Variants in GTF2B observed in about 807,000 individuals in gnomAD.
GTF2B encodes transcription initiation factor IIB.
In GTF2B, 20 loss-of-function variants were observed where a neutral mutation model predicts 34.6. That is an observed-to-expected ratio of 0.58 (90% CI 0.41 to 0.84). The LOEUF (loss-of-function observed/expected upper bound fraction) is 0.84. Among genes scored for constraint, GTF2B ranks in the 40% least tolerant of loss-of-function variants. The pLI, the probability that GTF2B is intolerant of heterozygous loss-of-function variation, is 0.00. For synonymous variants in GTF2B, 142 were observed against 132.4 expected (o/e 1.07, Z -0.50); for missense variants, 237 against 393.3 (o/e 0.60, Z 3.36).
chr1:88,864,954 C>T (rs1012556221), intron 2 of GTF2B, among the ~76,000 whole-genome samples: 20 of 151,464 alleles, frequency 1.3e-4, no homozygotes, highest in Admixed American at 7.9e-4. Flanking sequence ...AGAACTGAAA[C>T]GCACATCAGA....
chr1:88,880,890 C>T (rs1194476094), intron 2 of GTF2B, among the ~76,000 whole-genome samples: 1 of 151,660 alleles, frequency 6.6e-6, no homozygotes, highest in Non-Finnish European at 1.5e-5. Context: ...ATACTTTTAA[C>T]CCCAGCTACT....
chr1:88,864,888 T>C (rs1280122797), intron 2 of GTF2B, among the ~76,000 whole-genome samples: 2 of 152,240 alleles, frequency 1.3e-5, no homozygotes, highest in African/African-American at 4.8e-5. Context: ...TAAAGGTAGG[T>C]ACCAATTTTA....
chr1:88,859,013 G>A lies in GTF2B; in HGVS notation c.535+869C>T, dbSNP rs187742585. Among the ~76,000 whole-genome samples, 539 of 151,934 alleles carry A rather than the reference G, an allele frequency of 3.5e-3. 1 individual carries two copies. The highest frequency in any genetic ancestry group is 5.6e-3 in the Non-Finnish European group (381 of 67,950). ...CTCCTGAGTAGCTGGGACTACAGGC[G>A]CGCACCACCACGCCTGGCTAATTTT... On this transcript the variant is annotated intron_variant, in intron 5 of 6. Transcript: ENST00000370500.
At chr1:88,882,676 ATGT>A (rs1673977125) in intron 2 of GTF2B, among the ~76,000 whole-genome samples, 1 of 152,238 alleles carries the variant, frequency 6.6e-6, no homozygotes, top group Admixed American at 6.5e-5. Context: ...TGTGTCAATG[ATGT>A]TGTGTTAACA....
intron 2 of GTF2B, among the ~76,000 whole-genome samples, chr1:88,879,785 G>C (rs1434079480): frequency 6.6e-6 from 1 of 152,046 alleles, no homozygotes; most frequent in Non-Finnish European, 1.5e-5. Context: ...GCTGGGCGCA[G>C]TGCCTCACAC....
At chr1:88,873,179 T>C (rs1471341411) in intron 2 of GTF2B, among the ~76,000 whole-genome samples, 1 of 147,586 alleles carries the variant, frequency 6.8e-6, no homozygotes, top group Non-Finnish European at 1.5e-5. Context: ...AGGATTCCAT[T>C]AAGTTTTTTT....
intron 2 of GTF2B, among the ~76,000 whole-genome samples, chr1:88,880,746 C>G (rs1426417245): frequency 6.6e-6 from 1 of 152,104 alleles, no homozygotes; most frequent in Non-Finnish European, 1.5e-5. Flanking sequence ...GTGGCTCACA[C>G]CTGTAATCCC....
At chr1:88,884,273 G>A (rs557396077) in intron 2 of GTF2B, among the ~76,000 whole-genome samples, 1 of 152,152 alleles carries the variant, frequency 6.6e-6, no homozygotes, top group South Asian at 2.1e-4. Flanking sequence ...TGATCCATCC[G>A]CCTCAGCCTC....
At chr1:88,865,740 A>G (rs1673533607) in intron 2 of GTF2B, among the ~76,000 whole-genome samples, 1 of 151,852 alleles carries the variant, frequency 6.6e-6, no homozygotes, top group African/African-American at 2.4e-5. Flanking sequence ...AATCCCAGCT[A>G]CTCAGGAGGC....
chr1:88,879,900 AC>A (rs1557660101), intron 2 of GTF2B, among the ~76,000 whole-genome samples: 1 of 151,964 alleles, frequency 6.6e-6, no homozygotes, highest in Admixed American at 6.6e-5. Context: ...TACTAAAAAT[AC>A]AAAAAAATTA....
intron 6 of GTF2B, among the ~76,000 whole-genome samples, chr1:88,856,281 A>AC (rs1456026146): frequency 1.7e-4 from 21 of 120,490 alleles, no homozygotes; most frequent in Middle Eastern, 3.9e-3. Flanking sequence ...ACAAAAAAAA[A>AC]AAAAAAAAAC....
In GTF2B at chr1:88,864,116, T is replaced by A. The variant is rs1487866075; in HGVS notation, c.125-2A>T. On this transcript the variant is annotated splice_acceptor_variant, in intron 2 of 6. Transcript: ENST00000370500. LOFTEE classifies it high-confidence loss of function. ...ATCCCACATCAATAACCCGGTCACC[T>A]AAGAATATAAGCACATATCTGAATC... 1.2e-6 allele frequency: 2 copies of A among 1,613,554 alleles called. No individual in the cohort carries two copies. The highest frequency in any genetic ancestry group is 1.7e-6 in the Non-Finnish European group (2 of 1,179,562).
chr1:88,864,106 C>T lies in GTF2B; in HGVS notation c.133G>A (p.Val45Ile). 6.2e-7 allele frequency: 1 copy of T among 1,613,982 alleles called. No individual in the cohort carries two copies. The highest frequency in any genetic ancestry group is 8.5e-7 in the Non-Finnish European group (1 of 1,179,864). ...PECGLVVGDR[V>I]IDVGSEWRTF... ...CGCCATTCAGATCCCACATCAATAA[C>T]CCGGTCACCTAAGAATATAAGCACA... The change falls in exon 3 of 7, where the codon GTT becomes ATT. Residue 45 changes from valine to isoleucine, a missense_variant. Around this residue, in one of 3 missense-constraint regions of GTF2B, gnomAD observed 130 missense variants for 170.9 expected, o/e 0.76. Coordinates refer to ENST00000370500, the MANE Select transcript of GTF2B (RefSeq NM_001514.6).
At chr1:88,861,085 G>A (rs549567342) in intron 3 of GTF2B, among the ~76,000 whole-genome samples, 2 of 152,278 alleles carry the variant, frequency 1.3e-5, no homozygotes, top group East Asian at 1.9e-4. Context: ...GCAAGGTCAA[G>A]ATAAATAGAA....
chr1:88,853,280 C>G lies in GTF2B; in HGVS notation c.884G>C (p.Arg295Pro). ...IRQSYRLIYP[R>P]APDLFPTDFK... ...GTCTGTAGGAAACAGATCTGGGGCT[C>G]GAGGATAGATCAGTCTATAGGACTG... Residue 295 changes from arginine (R) to proline (P), a missense_variant, in exon 7 of 7, where the codon CGA (arginine) becomes CCA (proline). By Grantham distance (103) the Arg-to-Pro change is moderately radical (BLOSUM62 -2). Around this residue, in one of 3 missense-constraint regions of GTF2B, gnomAD observed 78 missense variants for 116.6 expected, o/e 0.67. Transcript: ENST00000370500. The G allele has an allele frequency of 6.2e-7, 1 of 1,610,818 alleles. No individual in the cohort carries two copies. The highest frequency in any genetic ancestry group is 8.5e-7 in the Non-Finnish European group (1 of 1,177,062).
intron 3 of GTF2B, among the ~76,000 whole-genome samples, chr1:88,861,833 A>G (rs942152896): frequency 2.6e-5 from 4 of 152,224 alleles, no homozygotes; most frequent in Middle Eastern, 3.2e-3. Context: ...CCCTGTCTCA[A>G]AAGAAGAAAA....
chr1:88,889,145 G>C (rs74097856), intron 1 of GTF2B, among the ~76,000 whole-genome samples: 2 of 152,212 alleles, frequency 1.3e-5, no homozygotes, highest in Non-Finnish European at 2.9e-5. Flanking sequence ...AAAACACCAA[G>C]AGACTAGTAA....
chr1:88,865,305 G>A (rs1673524383), intron 2 of GTF2B, among the ~76,000 whole-genome samples: 1 of 152,172 alleles, frequency 6.6e-6, no homozygotes, highest in Admixed American at 6.6e-5. Flanking sequence ...CATGTAAAGT[G>A]CTTAAAAAGT....
Position 88,869,631 on chromosome 1 carries a change from C to CT in GTF2B, c.125-5518dup, listed in dbSNP as rs964482864. ...ATTGGCAAGTGGCATAAAATGACTT[C>CT]TTTTTTTTTCCCCCGAGACGGAGTC... is the stretch of plus-strand genomic sequence containing the variant. On this transcript the variant is annotated intron_variant, in intron 2 of 6. Transcript: ENST00000370500. 9.9e-5 allele frequency among the ~76,000 whole-genome samples: 15 copies of CT among 151,400 alleles called. 1 individual carries two copies. The East Asian group carries it at 2.1e-3, about 22-fold the overall frequency.
Sources: allele counts gnomAD v4.1 joint callset (sites outside exome capture counted in the v4.1 genomes callset), GRCh38; gene constraint gnomAD v4.1.1; regional missense constraint gnomAD v4.1.1; transcripts MANE v1.5; gene names NCBI Gene and HGNC (gene_info 2026-07-23, HGNC 2026-07-21).